The following GOLGA1 variants were observed in gnomAD, a reference collection of about 807,000 sequenced individuals.
GOLGA1 encodes the protein golgin subfamily A member 1.
Under a neutral mutation model 119.7 loss-of-function variants are expected in GOLGA1, and 63 were observed. The ratio of observed to expected loss-of-function variants is 0.53; its 90% CI spans 0.43 to 0.65. The LOEUF (loss-of-function observed/expected upper bound fraction) is 0.65, where lower values mean the gene tolerates loss of function less well. Ranked by LOEUF, GOLGA1 falls within the 30% of genes least tolerant of loss-of-function variation. GOLGA1 has a pLI of 0.00. For synonymous variants in GOLGA1, 318 were observed against 333.4 expected (o/e 0.95, Z 0.50); for missense variants, 798 against 912.8 (o/e 0.87, Z 1.62).
At chr9:124,928,995 A>G (rs987282119) in intron 5 of GOLGA1, among the ~76,000 whole-genome samples, 2 of 152,214 alleles carry the variant, frequency 1.3e-5, no homozygotes, top group Non-Finnish European at 2.9e-5. Flanking sequence ...GCTGATACAC[A>G]TAATGACCTA....
intron 3 of GOLGA1, 142 bp from the exon 4 acceptor site, chr9:124,931,548 C>T: frequency 3.4e-6 from 2 of 594,630 alleles, no homozygotes. Context: ...AGTTTCTCTA[C>T]CTGGAAAGTG....
At chr9:124,944,180 A>T (rs1445542247), upstream of GOLGA1, 1 of 152,220 alleles carries the variant, frequency 6.6e-6, no homozygotes, top group East Asian at 1.9e-4. Context: ...CATTCAGATA[A>T]CTATAAAAAG....
chr9:124,894,380 T>TTGTGTGTGTG (rs35289660), intron 15 of GOLGA1, among the ~76,000 whole-genome samples: 41 of 147,834 alleles, frequency 2.8e-4, no homozygotes, highest in African/African-American at 8.2e-4. Context: ...ATTTAAAGTT[T>TTGTGTGTGTG]TGTGTGTGTG....
rs1281217820 is a variant in GOLGA1 at position 124,888,154 on chromosome 9, G to A, written c.1905+99C>T. On this transcript the variant is annotated intron_variant, in intron 19 of 22. Coordinates refer to ENST00000373555, the MANE Select transcript of GOLGA1 (RefSeq NM_002077.4). The surrounding 1 kb of genome is among the most constrained non-coding windows in gnomAD (Gnocchi z 4.4). The stretch of plus-strand genomic sequence containing the variant: ...GGGTCATGGTTGCCAGGAGGTGCGG[G>A]GGAAACCACAAAAACCTCCAAGGAT... 2.9e-5 allele frequency: 33 copies of A among 1,139,934 alleles called. No homozygotes were observed. The highest frequency in any genetic ancestry group is 4.1e-5 in the Non-Finnish European group (31 of 764,772). The allele number at this position is 1,139,934 out of a possible 1,614,324, so 70.6% of individuals were successfully genotyped here.
rs993730006 is a variant in GOLGA1, at chr9:124,879,126, A to G, written c.*1404T>C. 1.3e-5 allele frequency: 2 copies of G among 152,218 alleles called. No homozygotes were observed. Among genetic ancestry groups the G allele is most frequent in the East Asian group, 1.9e-4 (1 of 5,204 alleles). 9.4% of individuals were successfully genotyped at this position (152,218 alleles called of 1,614,324 possible). On this transcript the variant is annotated 3_prime_UTR_variant, in exon 23 of 23. Transcript: ENST00000373555. ...CGTGTTTTTCTGTGACACATTTTAT[A>G]TACCTATTTTGGCCCTAAGCATGAT...
chr9:124,902,632 G>C (rs1156398552), intron 12 of GOLGA1, among the ~76,000 whole-genome samples: 1 of 151,794 alleles, frequency 6.6e-6, no homozygotes, highest in African/African-American at 2.4e-5. Context: ...TGGGACTACA[G>C]GCGCCTGCCA....
Position 124,921,077 on chromosome 9 carries a change from T to C in GOLGA1, c.843+52A>G, listed in dbSNP as rs373738934. ...TCTCAGGCAGAAATTTCTGAAAGAA[T>C]TAGTTTTTATGAATCTTAGAAATCC... On this transcript the variant is annotated intron_variant, in intron 10 of 22. Coordinates refer to ENST00000373555, the MANE Select transcript of GOLGA1 (RefSeq NM_002077.4). 20 of 1,091,460 alleles carry C rather than the reference T, an allele frequency of 1.8e-5. No homozygotes were observed. The African/African-American group carries it at 3.1e-4, about 17-fold the overall frequency. 67.6% of individuals were successfully genotyped at this position (1,091,460 alleles called of 1,614,324 possible). A position where few individuals can be genotyped will look rare whatever the true frequency, so the allele number is the denominator to read the frequency against.
At chr9:124,889,860 G>A (rs1008072752) in intron 16 of GOLGA1, among the ~76,000 whole-genome samples, 1 of 152,160 alleles carries the variant, frequency 6.6e-6, no homozygotes, top group African/African-American at 2.4e-5. Flanking sequence ...CACTAGACAC[G>A]CATTTGATAT....
At chr9:124,887,964 C>T (rs1251763363) in intron 19 of GOLGA1, among the ~76,000 whole-genome samples, 1 of 152,234 alleles carries the variant, frequency 6.6e-6, no homozygotes, top group African/African-American at 2.4e-5. Context: ...TCGCTATGGC[C>T]TGGCTGGGGA....
chr9:124,898,482 G>A, intron 15 of GOLGA1, 67 bp downstream of exon 15: 1 of 866,430 alleles, frequency 1.2e-6, no homozygotes, highest in Non-Finnish European at 1.9e-6. Context: ...GAGAAGTGGG[G>A]CACTGTAAAT....
chr9:124,912,383 G>A (rs1830358125), intron 10 of GOLGA1, among the ~76,000 whole-genome samples: 1 of 152,024 alleles, frequency 6.6e-6, no homozygotes, highest in South Asian at 2.1e-4. Context: ...CTGAGGGGCT[G>A]GATAAAGCAG....
intron 6 of GOLGA1, among the ~76,000 whole-genome samples, chr9:124,927,288 T>A (rs936026497): frequency 1.3e-5 from 2 of 152,152 alleles, no homozygotes; most frequent in Non-Finnish European, 2.9e-5. Flanking sequence ...TCACAAACCA[T>A]AAAATAGTGG....
intron 9 of GOLGA1, among the ~76,000 whole-genome samples, 165 bp from the exon 10 acceptor site, chr9:124,921,405 G>A (rs1588087820): frequency 6.6e-6 from 1 of 152,138 alleles, no homozygotes; most frequent in African/African-American, 2.4e-5. Context: ...TGAAGCAGGA[G>A]CCCAAAGAGA....
chr9:124,921,641 G>A (rs940072977), intron 9 of GOLGA1, 82 bp downstream of exon 9: 19 of 1,090,112 alleles, frequency 1.7e-5, no homozygotes, highest in Non-Finnish European at 2.5e-5. Flanking sequence ...GTGGTGTAAT[G>A]AACAATGGGG....
At chr9:124,943,433 T>A (rs1453180284), upstream of GOLGA1, 2 of 152,196 alleles carry the variant, frequency 1.3e-5, no homozygotes, top group African/African-American at 2.4e-5. Context: ...GGCAACCAAA[T>A]AGCTTCATTA....
chr9:124,929,762 A>G (rs948952537), intron 4 of GOLGA1, among the ~76,000 whole-genome samples: 5 of 152,166 alleles, frequency 3.3e-5, no homozygotes, highest in African/African-American at 1.2e-4. Context: ...CTTTATAGTG[A>G]TAGCACTTAA....
chr9:124,891,937 G>A (rs764551020), intron 15 of GOLGA1, among the ~76,000 whole-genome samples: 2 of 149,954 alleles, frequency 1.3e-5, no homozygotes, highest in African/African-American at 2.5e-5. Flanking sequence ...GAGCCACTGC[G>A]CCCAGCCTCC....
Position 124,889,472 on chromosome 9 carries a change from A to G in GOLGA1, c.1562T>C (p.Leu521Pro), listed in dbSNP as rs749191540. The G allele has an allele frequency of 6.2e-7, 1 of 1,613,908 alleles. No homozygotes were observed. Among genetic ancestry groups the G allele is most frequent in the Non-Finnish European group, 8.5e-7 (1 of 1,179,728 alleles). ...EQNLREKTEVLLQKEQEILQL... is the reference protein window; with the variant it reads ...EQNLREKTEVPLQKEQEILQL... ...GAGAATCTCCTGCTCTTTCTGGAGA[A>G]GCACTTCGGTTTTTTCCCGCAGATT... Residue 521 changes from leucine to proline, a missense_variant, in exon 17 of 23, where the codon CTT (leucine) becomes CCT (proline). Transcript: ENST00000373555.
chr9:124,945,255 T>C (rs994290082), upstream of GOLGA1: 1 of 152,204 alleles, frequency 6.6e-6, no homozygotes, highest in African/African-American at 2.4e-5. Context: ...CTGATAACTA[T>C]TAAAAAGAAT....
Sources: allele counts gnomAD v4.1 joint callset (sites outside exome capture counted in the v4.1 genomes callset), GRCh38; gene constraint gnomAD v4.1.1; non-coding constraint Gnocchi (gnomAD v3.1); transcripts MANE v1.5; gene names NCBI Gene and HGNC (gene_info 2026-07-23, HGNC 2026-07-21).